Variants in ADAMTSL1 observed in about 807,000 individuals in gnomAD.
ADAMTSL1 encodes the protein ADAMTS-like protein 1.
In ADAMTSL1, 126 loss-of-function variants were observed where a neutral mutation model predicts 201.8. The observed-to-expected ratio is 0.62, with a 90% CI of 0.54 to 0.72. ADAMTSL1 has a LOEUF of 0.72. Ranked by LOEUF, ADAMTSL1 falls within the 30% of genes least tolerant of loss-of-function variation. The pLI, the probability that ADAMTSL1 is intolerant of heterozygous loss-of-function variation, is 0.00. For synonymous variants in ADAMTSL1, 1,121 were observed against 903.4 expected, an observed-to-expected ratio of 1.24 and a Z score of -4.32; for missense variants, 2,679 against 2,277.8, an observed-to-expected ratio of 1.18 and a Z score of -3.59.
chr9:18,525,434 C>T (rs1045369932), intron 2 of ADAMTSL1, among the ~76,000 whole-genome samples: 1 of 152,086 alleles, frequency 6.6e-6, no homozygotes, highest in Admixed American at 6.5e-5. Context: ...TTTTGTGTGT[C>T]TATCTCTTTC....
chr9:18,816,942 T>C (rs1823894412), intron 20 of ADAMTSL1, among the ~76,000 whole-genome samples, 167 bp from the exon 21 acceptor site: 1 of 152,042 alleles, frequency 6.6e-6, no homozygotes, highest in Non-Finnish European at 1.5e-5. Context: ...GGTAGGTAGG[T>C]AGATGCTTTT....
At chr9:18,350,837 A>G (rs1410391160) in intron 2 of ADAMTSL1, among the ~76,000 whole-genome samples, 1 of 152,182 alleles carries the variant, frequency 6.6e-6, no homozygotes, top group African/African-American at 2.4e-5. Context: ...GGAAAACTTT[A>G]CTAGTCTCAA....
Position 18,753,343 on chromosome 9 carries a change from C to T in ADAMTSL1, c.2052C>T (p.Val684=), listed in dbSNP as rs376814161. The change falls in exon 16 of 29, where the codon GTC becomes GTT. Residue 684 remains valine, a synonymous_variant. Transcript: ENST00000380548. ...GTCCATGTAGTCTCACATGTGGGGTCGGCCTACAGACCAGAGACGTCTTCT... is the reference window on the plus strand; with the variant it reads ...GTCCATGTAGTCTCACATGTGGGGTTGGCCTACAGACCAGAGACGTCTTCT... The part of the protein sequence containing the change: ...KWSPCSLTCG[V]GLQTRDVFCS... 10 of 1,612,112 alleles carry T rather than the reference C, an allele frequency of 6.2e-6. No homozygotes were observed. The African/African-American group carries it at 6.7e-5, about 11-fold the overall frequency.
intron 1 of ADAMTSL1, among the ~76,000 whole-genome samples, chr9:17,943,445 T>C (rs1827323300): frequency 6.6e-6 from 1 of 152,126 alleles, no homozygotes; most frequent in South Asian, 2.1e-4. Flanking sequence ...AAGGCAGAGA[T>C]AATTTTTCTT....
chr9:18,134,199 G>T (rs1826063845), intron 1 of ADAMTSL1, among the ~76,000 whole-genome samples: 1 of 152,116 alleles, frequency 6.6e-6, no homozygotes, highest in African/African-American at 2.4e-5. Context: ...AAAGAAATGG[G>T]GCTCTAACCT....
chr9:18,474,041 C>G (rs535845515), upstream of ADAMTSL1: 1 of 541,276 alleles, frequency 1.8e-6, no homozygotes, highest in Non-Finnish European at 3.3e-6. Context: ...CTGCCTGCTC[C>G]GAGAGAGATT....
intron 2 of ADAMTSL1, among the ~76,000 whole-genome samples, chr9:18,376,820 A>C (rs142429283): frequency 6.6e-6 from 1 of 152,206 alleles, no homozygotes; most frequent in African/African-American, 2.4e-5. Flanking sequence ...AAAAAGACTT[A>C]ATGTTGATGT....
intron 1 of ADAMTSL1, among the ~76,000 whole-genome samples, chr9:17,968,438 G>T (rs1417958973): frequency 6.6e-6 from 1 of 152,080 alleles, no homozygotes; most frequent in Non-Finnish European, 1.5e-5. Context: ...CCAATTATCT[G>T]GTTAGTTCAG....
rs911448290 is a variant in ADAMTSL1 at position 18,487,413 on chromosome 9, G to A, written c.63+13118G>A. 4.6e-5 allele frequency among the ~76,000 whole-genome samples: 7 copies of A among 152,210 alleles called. No homozygotes were observed. In the East Asian group the frequency reaches 1.4e-3, roughly 29 times the overall value. ...TATGCTTTGGAACAGCATCAAATAG[G>A]TATTTATGTTTTAAATCACATGGTC... On this transcript the variant is annotated intron_variant, in intron 1 of 28. Coordinates refer to ENST00000380548, the MANE Select transcript of ADAMTSL1 (RefSeq NM_001040272.6).
In ADAMTSL1 at chr9:18,777,008, G is replaced by A. The variant is rs376395585; in HGVS notation, c.2779G>A (p.Ala927Thr). Reference protein sequence around the residue: ...HLISSTHVTVAPFGYLKIHRL... With the variant: ...HLISSTHVTVTPFGYLKIHRL... ...CATCAGCTCGACGCACGTCACGGTG[G>A]CCCCCTTCGGCTATCTCAAGATCCA... is the stretch of plus-strand genomic sequence containing the variant. Residue 927 changes from alanine to threonine, a missense_variant, in exon 19 of 29, where the codon GCC becomes ACC. By Grantham distance (58) the Ala-to-Thr change is moderately conservative. Coordinates refer to ENST00000380548, the MANE Select transcript of ADAMTSL1 (RefSeq NM_001040272.6). 6.2e-7 allele frequency: 1 copy of A among 1,604,588 alleles called. No homozygotes were observed. The highest frequency in any genetic ancestry group is 8.5e-7 in the Non-Finnish European group (1 of 1,173,898).
intron 1 of ADAMTSL1, among the ~76,000 whole-genome samples, chr9:17,969,612 A>G (rs1297330667): frequency 5.9e-5 from 9 of 152,086 alleles, no homozygotes; most frequent in Non-Finnish European, 1.0e-4. Flanking sequence ...TTTGTTTTCT[A>G]TAAAATGAGA....
At chr9:18,499,199 G>A (rs1189879664) in intron 1 of ADAMTSL1, among the ~76,000 whole-genome samples, 1 of 152,224 alleles carries the variant, frequency 6.6e-6, no homozygotes, top group Non-Finnish European at 1.5e-5. Flanking sequence ...AGAACCAGAT[G>A]ATCCAAATTT....
rs1401778913 is a variant in ADAMTSL1, at chr9:18,910,169, A to T, written c.*1621A>T. ...GAAGACAATATTAATCTGTGTCCCCACCTAGTGAGCTGTGGACAGGTTTAA... is the reference window on the plus strand; with the variant it reads ...GAAGACAATATTAATCTGTGTCCCCTCCTAGTGAGCTGTGGACAGGTTTAA... On this transcript the variant is annotated 3_prime_UTR_variant, in exon 29 of 29. Coordinates refer to ENST00000380548, the MANE Select transcript of ADAMTSL1 (RefSeq NM_001040272.6). The T allele has an allele frequency of 6.6e-6, 1 of 152,024 alleles. No individual in the cohort carries two copies. The allele number at this position is 152,024 out of a possible 1,614,324, so 9.4% of individuals were successfully genotyped here.
At chr9:17,939,806 G>A (rs774958846) in intron 1 of ADAMTSL1, among the ~76,000 whole-genome samples, 5 of 152,276 alleles carry the variant, frequency 3.3e-5, no homozygotes, top group Non-Finnish European at 7.4e-5. Flanking sequence ...AGGAACAGAG[G>A]CATGTATAAA....
chr9:18,297,543 G>A (rs1833521745), intron 2 of ADAMTSL1, among the ~76,000 whole-genome samples: 1 of 152,084 alleles, frequency 6.6e-6, no homozygotes, highest in African/African-American at 2.4e-5. Flanking sequence ...GAAAATTAAA[G>A]GGGTCAAATT....
intron 2 of ADAMTSL1, among the ~76,000 whole-genome samples, chr9:18,368,288 C>T (rs1013280105): frequency 6.6e-6 from 1 of 152,022 alleles, no homozygotes; most frequent in Non-Finnish European, 1.5e-5. Flanking sequence ...CCTTTTATTG[C>T]CACTACACGA....
intron 1 of ADAMTSL1, among the ~76,000 whole-genome samples, chr9:18,135,963 G>A (rs1454545453): frequency 6.6e-6 from 1 of 152,110 alleles, no homozygotes; most frequent in African/African-American, 2.4e-5. Flanking sequence ...TCTCATTTAA[G>A]ATGAGGAATC....
chr9:17,985,073 A>T (rs1818867241), intron 1 of ADAMTSL1, among the ~76,000 whole-genome samples: 1 of 152,156 alleles, frequency 6.6e-6, no homozygotes. Context: ...AGATGGAATT[A>T]AGTTAGTTCT....
intron 23 of ADAMTSL1, among the ~76,000 whole-genome samples, chr9:18,835,705 T>C (rs555676365): frequency 6.6e-6 from 1 of 152,250 alleles, no homozygotes; most frequent in Non-Finnish European, 1.5e-5. Context: ...GCCATTTTTA[T>C]GTCCATGAGT....
Sources: gnomAD v4.1 joint callset for allele counts (sites outside exome capture counted in the v4.1 genomes callset) on GRCh38, gnomAD v4.1.1 for gene constraint, MANE v1.5 for transcripts, NCBI Gene and HGNC (gene_info 2026-07-23, HGNC 2026-07-21) for gene names.